Variants in KNL1 observed in about 807,000 individuals in gnomAD.
KNL1 encodes kinetochore scaffold 1.
A neutral mutation model predicts 201.3 loss-of-function variants in KNL1; 66 were observed. The ratio of observed to expected loss-of-function variants is 0.33; its 90% CI spans 0.27 to 0.40. The LOEUF is 0.40. Ranked by LOEUF, KNL1 falls within the 10% of genes least tolerant of loss-of-function variation. The pLI is 1.00. For missense variants in KNL1, 2,815 were observed against 2,690.5 expected (o/e 1.05, Z -1.02); for synonymous variants, 895 against 899.2 (o/e 1.00, Z 0.08).
chr15:40,621,118 A>T lies in KNL1; in HGVS notation c.854A>T (p.Gln285Leu), dbSNP rs377757223. 2 of 1,613,740 alleles carry T rather than the reference A, an allele frequency of 1.2e-6. No individual in the cohort carries two copies. Among genetic ancestry groups the T allele is most frequent in the African/African-American group, 2.7e-5 (2 of 74,926 alleles). Residue 285 changes from glutamine (Q) to leucine (L), a missense_variant, in exon 10 of 26, where the codon CAG becomes CTG. This residue lies in a region of KNL1 where 2,464 missense variants were observed against 2,291.7 expected (regional missense o/e 1.08). Transcript: ENST00000399668. The stretch of plus-strand genomic sequence containing the variant: ...AAAGATGATGGGATGAATTTCACCC[A>T]GTGTCATACAGCCAATATTCAGACA... ...REKDDGMNFT[Q>L]CHTANIQTLI...
In KNL1 at chr15:40,651,490, G is replaced by A. The variant is rs1206456219; in HGVS notation, c.6232G>A (p.Val2078Ile). 3 of 1,605,816 alleles carry A rather than the reference G, an allele frequency of 1.9e-6. No individual in the cohort carries two copies. Among genetic ancestry groups the A allele is most frequent in the East Asian group, 2.2e-5 (1 of 44,610 alleles). Reference sequence around the variant, plus strand: ...TTGCAGAAATCTCTTAGAACTGGAGGTACAAAAAGAGCAGACCCTTGCTCA... The same window carrying A: ...TTGCAGAAATCTCTTAGAACTGGAGATACAAAAAGAGCAGACCCTTGCTCA... ...ELQRNLLELEVQKEQTLAQID... is the reference protein window; with the variant it reads ...ELQRNLLELEIQKEQTLAQID... The change falls in exon 20 of 26, where the codon GTA (valine) becomes ATA (isoleucine). Residue 2078 changes from valine to isoleucine, a missense_variant. This residue lies in a region of KNL1 where 334 missense variants were observed against 362.6 expected (regional missense o/e 0.92). Coordinates refer to ENST00000399668, the MANE Select transcript of KNL1 (RefSeq NM_144508.5).
intron 7 of KNL1, 143 bp from the exon 8 acceptor site, chr15:40,615,198 G>A (rs1192721017): frequency 1.8e-5 from 6 of 332,984 alleles, no homozygotes; most frequent in South Asian, 9.8e-5. Context: ...CATTAGATGA[G>A]TCTTTTTTAA....
Position 40,622,836 on chromosome 15 carries a change from A to C in KNL1, c.2572A>C (p.Ile858Leu). 6.2e-7 allele frequency: 1 copy of C among 1,613,708 alleles called. No individual in the cohort carries two copies. The highest frequency in any genetic ancestry group is 1.3e-5 in the African/African-American group (1 of 75,036). ...WGRKSVGGPK[I>L]DKTIVFSEDD... ...AAGGAAAAGTGTTGGTGGACCAAAA[A>C]TTGATAAGACTATTGTATTTTCAGA... The change falls in exon 10 of 26, where the codon ATT (isoleucine) becomes CTT (leucine). Residue 858 changes from isoleucine (I) to leucine (L), a missense_variant. Ile to Leu is a conservative substitution (Grantham distance 5). Around this residue, in one of 3 missense-constraint regions of KNL1, gnomAD observed 2,464 missense variants for 2,291.7 expected, o/e 1.08. Coordinates refer to ENST00000399668, the MANE Select transcript of KNL1 (RefSeq NM_144508.5).
chr15:40,608,826 C>G (rs759490728), intron 4 of KNL1, 21 bp from the exon 5 acceptor site: 1 of 1,546,532 alleles, frequency 6.5e-7, no homozygotes, highest in South Asian at 1.1e-5. Flanking sequence ...AAGAATTATA[C>G]CATATATTCT....
intron 13 of KNL1, among the ~76,000 whole-genome samples, chr15:40,637,324 T>C (rs1408098010): frequency 3.6e-5 from 2 of 55,078 alleles, no homozygotes; most frequent in Non-Finnish European, 8.7e-5. Flanking sequence ...TTCTCTGCCC[T>C]TTTTTTTTTT....
chr15:40,659,469 A>T lies in KNL1; in HGVS notation c.6836+8A>T. The T allele has an allele frequency of 6.2e-7, 1 of 1,611,434 alleles. No individual in the cohort carries two copies. Among genetic ancestry groups the T allele is most frequent in the East Asian group, 2.2e-5 (1 of 44,764 alleles). On this transcript the variant is annotated splice_region_variant and intron_variant, in intron 25 of 25. Transcript: ENST00000399668. ...TCACGTTGGGAACACTAGGTGAGTA[A>T]AGGGCCAACAGGGTAAGACTCTGGG...
At chr15:40,626,998 G>A (rs983023924) in intron 10 of KNL1, among the ~76,000 whole-genome samples, 2 of 152,084 alleles carry the variant, frequency 1.3e-5, no homozygotes, top group Non-Finnish European at 1.5e-5. Context: ...AGGTTCAAGC[G>A]ATTCTCCTGC....
chr15:40,651,162 A>G (rs1893546920), intron 19 of KNL1, among the ~76,000 whole-genome samples: 1 of 151,710 alleles, frequency 6.6e-6, no homozygotes, highest in South Asian at 2.1e-4. Flanking sequence ...TTTGCTTTTT[A>G]TCAAAAATAA....
At chr15:40,599,692 T>C (rs1891729074) in intron 1 of KNL1, among the ~76,000 whole-genome samples, 1 of 152,132 alleles carries the variant, frequency 6.6e-6, no homozygotes, top group Admixed American at 6.6e-5. Flanking sequence ...CCTTAACTTT[T>C]TTCTTCATCT....
chr15:40,607,069 T>G (rs1447867162), intron 4 of KNL1, among the ~76,000 whole-genome samples: 9 of 152,194 alleles, frequency 5.9e-5, no homozygotes, highest in Admixed American at 5.9e-4. Flanking sequence ...CCTTAAAAAA[T>G]TTTTGTTTTT....
At position 40,624,736 on chromosome 15, in the gene KNL1, A is replaced by G; in HGVS notation, c.4472A>G (p.Lys1491Arg). 6.2e-7 allele frequency: 1 copy of G among 1,613,780 alleles called. No individual in the cohort carries two copies. The highest frequency in any genetic ancestry group is 1.1e-5 in the South Asian group (1 of 91,050). Reference protein sequence around the residue: ...SSAPICENKPKILNSEEWFAA... With the variant: ...SSAPICENKPRILNSEEWFAA... Reference sequence around the variant, plus strand: ...GCACCCATATGTGAAAACAAGCCCAAAATACTCAATAGTGAGGAATGGTTT... The same window carrying G: ...GCACCCATATGTGAAAACAAGCCCAGAATACTCAATAGTGAGGAATGGTTT... The change falls in exon 10 of 26, where the codon AAA becomes AGA. Residue 1491 changes from lysine (K) to arginine (R), a missense_variant. Physicochemically the swap from Lys to Arg is conservative, Grantham distance 26 (BLOSUM62 2). Transcript: ENST00000399668.
rs1418645355 is a variant in KNL1, at chr15:40,624,935, C to G, written c.4671C>G (p.Ile1557Met). The G allele has an allele frequency of 1.9e-6, 3 of 1,613,440 alleles. No individual in the cohort carries two copies. Among genetic ancestry groups the G allele is most frequent in the Non-Finnish European group, 2.5e-6 (3 of 1,179,930 alleles). The change falls in exon 10 of 26, where the codon ATC becomes ATG. Residue 1557 changes from isoleucine (I) to methionine (M), a missense_variant. By Grantham distance (10) the Ile-to-Met change is conservative (BLOSUM62 1). Coordinates refer to ENST00000399668, the MANE Select transcript of KNL1 (RefSeq NM_144508.5). ...ITSNVPCFHS[I>M]KPNLNNLNGK... ...CTAATGTTCCATGTTTTCATAGTAT[C>G]AAACCAAATCTGAATAATTTGAATG...
intron 13 of KNL1, 55 bp from the exon 14 acceptor site, chr15:40,640,857 T>C (rs1893205898): frequency 1.9e-5 from 19 of 1,021,918 alleles, no homozygotes; most frequent in East Asian, 1.4e-4. Flanking sequence ...TTAATTCTTA[T>C]ATATGGTTTT....
Position 40,629,326 on chromosome 15 carries a change from C to T in KNL1, c.5637C>T (p.Val1879=). The T allele has an allele frequency of 1.2e-6, 2 of 1,605,452 alleles. No individual in the cohort carries two copies. The highest frequency in any genetic ancestry group is 1.7e-6 in the Non-Finnish European group (2 of 1,178,230). The part of the protein sequence containing the change: ...TIREFFILLQ[V]HILIQKPRQS... ...GGGAGTTCTTTATACTTCTCCAGGTCCACATCTTGATACAGAAACCCCGAC... is the reference window on the plus strand; with the variant it reads ...GGGAGTTCTTTATACTTCTCCAGGTTCACATCTTGATACAGAAACCCCGAC... Residue 1879 remains valine (V), a synonymous_variant, in exon 13 of 26, where the codon GTC becomes GTT. Transcript: ENST00000399668.
chr15:40,649,573 G>A (rs1431785385), intron 17 of KNL1, among the ~76,000 whole-genome samples: 1 of 150,734 alleles, frequency 6.6e-6, no homozygotes, highest in East Asian at 2.0e-4. Flanking sequence ...AGGATTACAG[G>A]CATCAGCCAC....
chr15:40,616,687 C>T (rs1271633657), intron 8 of KNL1, among the ~76,000 whole-genome samples: 3 of 152,056 alleles, frequency 2.0e-5, no homozygotes, highest in Admixed American at 2.0e-4. Flanking sequence ...ATTTCTTATC[C>T]TTCCAATCCA....
At chr15:40,612,562 G>A (rs1595918905) in intron 7 of KNL1, among the ~76,000 whole-genome samples, 1 of 151,994 alleles carries the variant, frequency 6.6e-6, no homozygotes. Flanking sequence ...CTGTCGCCAG[G>A]CTGGAGTGCA....
chr15:40,608,264 A>T (rs1462751360), intron 4 of KNL1, among the ~76,000 whole-genome samples: 1 of 151,970 alleles, frequency 6.6e-6, no homozygotes, highest in African/African-American at 2.4e-5. Context: ...ACTTGAGGTC[A>T]GGAGTTTGAG....
In KNL1 at chr15:40,657,374, TG is replaced by T; in HGVS notation, c.6616del (p.Val2206Ter). On this transcript the variant is annotated frameshift_variant, in exon 24 of 26. Coordinates refer to ENST00000399668, the MANE Select transcript of KNL1 (RefSeq NM_144508.5). LOFTEE classifies it high-confidence loss of function. ...QLPKMLEEFS[L>X]VVHHCRLLGE... Reference sequence around the variant, plus strand: ...TTCTAGATGCTTGAAGAATTCTCACTGGTAGTGCACCATTGCAGACTCCTTG... The same window carrying T: ...TTCTAGATGCTTGAAGAATTCTCACTGTAGTGCACCATTGCAGACTCCTTG... 6.2e-7 allele frequency: 1 copy of T among 1,604,080 alleles called. No individual in the cohort carries two copies. Among genetic ancestry groups the T allele is most frequent in the Non-Finnish European group, 8.5e-7 (1 of 1,171,276 alleles).
Sources: gnomAD v4.1 joint callset for allele counts (sites outside exome capture counted in the v4.1 genomes callset) on GRCh38, gnomAD v4.1.1 for gene constraint, gnomAD v4.1.1 regional missense constraint, MANE v1.5 for transcripts, NCBI Gene and HGNC (gene_info 2026-07-23, HGNC 2026-07-21) for gene names.